The following TMC2 variants were observed in gnomAD, a reference collection of about 807,000 sequenced individuals.
TMC2 encodes transmembrane channel like 2.
TMC2 carries 102 observed loss-of-function variants against 105.9 expected under a neutral mutation model. The observed-to-expected ratio is 0.96, with a 90% CI of 0.82 to 1.14. The LOEUF is 1.14. Ranked by LOEUF, TMC2 falls within the 50% of genes most tolerant of loss-of-function variation. TMC2 has a pLI of 0.00. For synonymous variants in TMC2, 402 were observed against 422.8 expected, an observed-to-expected ratio of 0.95 and a Z score of 0.60; for missense variants, 1,093 against 1,134.3, an observed-to-expected ratio of 0.96 and a Z score of 0.52.
intron 10 of TMC2, among the ~76,000 whole-genome samples, chr20:2,601,535 T>G (rs1456406043): frequency 6.6e-6 from 1 of 152,224 alleles, no homozygotes; most frequent in Admixed American, 6.5e-5. Flanking sequence ...ACTGGTGTGT[T>G]GCTGGGATTA....
intron 7 of TMC2, among the ~76,000 whole-genome samples, chr20:2,590,131 G>A (rs931355643): frequency 6.6e-6 from 1 of 152,068 alleles, no homozygotes; most frequent in Non-Finnish European, 1.5e-5. Flanking sequence ...TCTCAAAAGT[G>A]TAATGTTGTA....
At chr20:2,603,204 C>T (rs760622602) in intron 11 of TMC2, among the ~76,000 whole-genome samples, 5 of 150,442 alleles carry the variant, frequency 3.3e-5, no homozygotes, top group Admixed American at 1.3e-4. Flanking sequence ...AACAAAAGAA[C>T]GACCCAGTTA....
Position 2,560,778 on chromosome 20 carries a change from A to C in TMC2, c.402-1080A>C, listed in dbSNP as rs193090807. ...CGTGAACCCAGGAGGTGGAGCTTGCAGTGAGCCGAGATTGCGCCACTGCAC... is the reference window on the plus strand; with the variant it reads ...CGTGAACCCAGGAGGTGGAGCTTGCCGTGAGCCGAGATTGCGCCACTGCAC... On this transcript the variant is annotated intron_variant, in intron 3 of 19. Transcript: ENST00000358864. Among the ~76,000 whole-genome samples, 568 of 151,426 alleles carry C rather than the reference A, an allele frequency of 3.8e-3. 3 individuals are homozygous for C. Among genetic ancestry groups the C allele is most frequent in the African/African-American group, 0.013 (529 of 41,198 alleles).
chr20:2,638,545 T>G (rs1463334934), intron 19 of TMC2, among the ~76,000 whole-genome samples: 3 of 149,918 alleles, frequency 2.0e-5, no homozygotes, highest in Non-Finnish European at 4.4e-5. Context: ...TCAGGAGCTA[T>G]TCCAGAAGAA....
chr20:2,613,377 G>C (rs184998895), intron 14 of TMC2, 55 bp downstream of exon 14: 12 of 1,611,178 alleles, frequency 7.4e-6, no homozygotes, highest in Non-Finnish European at 9.3e-6. Flanking sequence ...TATCTTCTTT[G>C]ATACTTATAG....
At chr20:2,578,315 A>G (rs1405701824) in intron 5 of TMC2, among the ~76,000 whole-genome samples, 1 of 152,162 alleles carries the variant, frequency 6.6e-6, no homozygotes, top group African/African-American at 2.4e-5. Flanking sequence ...GTGAGACTCC[A>G]TCTCAAAATA....
At chr20:2,613,550 T>C in intron 14 of TMC2, 1 of 524,412 alleles carries the variant, frequency 1.9e-6, no homozygotes, top group Non-Finnish European at 3.4e-6. Flanking sequence ...CCTTCTATTC[T>C]AGGAAATGGA....
chr20:2,561,026 A>T (rs1600101241), intron 3 of TMC2, among the ~76,000 whole-genome samples: 1 of 152,156 alleles, frequency 6.6e-6, no homozygotes, highest in South Asian at 2.1e-4. Flanking sequence ...GAGCACTTGA[A>T]ATGTGGCCAG....
At position 2,636,033 on chromosome 20, in the gene TMC2, C is replaced by G. The variant is rs2422808; in HGVS notation, c.2385+29C>G. 1,208,369 of 1,594,954 alleles carry G rather than the reference C, an allele frequency of 0.76. 459,135 individuals are homozygous for G. The highest frequency in any genetic ancestry group is 0.85 in the Admixed American group (51,195 of 59,968). On this transcript the variant is annotated intron_variant, in intron 18 of 19. Transcript: ENST00000358864. ...AGTCTGTTGGGAGTTTCATCCTGGA[C>G]GGTAAAAAGAGATCATGTTTTTGGT...
intron 7 of TMC2, among the ~76,000 whole-genome samples, chr20:2,586,367 G>C (rs1342325676): frequency 6.6e-6 from 1 of 152,162 alleles, no homozygotes; most frequent in Non-Finnish European, 1.5e-5. Flanking sequence ...AGGAGTTATT[G>C]GCCCATAGCA....
At chr20:2,569,467 T>A (rs1349054337) in intron 4 of TMC2, among the ~76,000 whole-genome samples, 2 of 152,326 alleles carry the variant, frequency 1.3e-5, no homozygotes, top group South Asian at 2.1e-4. Context: ...GCATCATAAG[T>A]TGAGGAGCAT....
chr20:2,580,723 C>T (rs1337120886), intron 7 of TMC2, among the ~76,000 whole-genome samples: 1 of 152,138 alleles, frequency 6.6e-6, no homozygotes, highest in Non-Finnish European at 1.5e-5. Flanking sequence ...GTTGGGATTA[C>T]AGGCATAACC....
chr20:2,578,087 G>A (rs538396578), intron 5 of TMC2, among the ~76,000 whole-genome samples: 11 of 152,226 alleles, frequency 7.2e-5, no homozygotes, highest in South Asian at 4.1e-4. Context: ...TTGGGAGGTC[G>A]AGGCGGGCAG....
At chr20:2,605,928 T>A (rs1436258717) in intron 11 of TMC2, among the ~76,000 whole-genome samples, 1 of 152,212 alleles carries the variant, frequency 6.6e-6, no homozygotes, top group Non-Finnish European at 1.5e-5. Flanking sequence ...AGCAGACTTG[T>A]ACCTGGGGCT....
chr20:2,591,976 A>G (rs2086272354), intron 7 of TMC2, among the ~76,000 whole-genome samples: 1 of 152,118 alleles, frequency 6.6e-6, no homozygotes, highest in Non-Finnish European at 1.5e-5. Flanking sequence ...CAACATGGTG[A>G]AATCCTGTCT....
chr20:2,636,496 A>ACACACACG (rs1600144542), intron 18 of TMC2, among the ~76,000 whole-genome samples: 1 of 149,408 alleles, frequency 6.7e-6, no homozygotes, highest in East Asian at 1.9e-4. Context: ...ACACACACGC[A>ACACACACG]CACACCCTAA....
At chr20:2,634,787 C>T (rs1568532215) in intron 17 of TMC2, among the ~76,000 whole-genome samples, 1 of 152,174 alleles carries the variant, frequency 6.6e-6, no homozygotes, top group African/African-American at 2.4e-5. Context: ...CCTTACATAA[C>T]AGAAATTGGT....
intron 11 of TMC2, among the ~76,000 whole-genome samples, chr20:2,607,082 C>A (rs1272623313): frequency 3.9e-5 from 6 of 151,944 alleles, no homozygotes; most frequent in African/African-American, 1.4e-4. Flanking sequence ...AAAGTTTAAC[C>A]TACTTCTTGT....
chr20:2,611,387 C>G (rs1232846273), intron 12 of TMC2, among the ~76,000 whole-genome samples: 1 of 152,192 alleles, frequency 6.6e-6, no homozygotes, highest in Admixed American at 6.5e-5. Flanking sequence ...ACCTCTCCTC[C>G]CCACTCATCT....
Sources: allele counts gnomAD v4.1 joint callset (sites outside exome capture counted in the v4.1 genomes callset), GRCh38; gene constraint gnomAD v4.1.1; transcripts MANE v1.5; gene names NCBI Gene and HGNC (gene_info 2026-07-23, HGNC 2026-07-21).